The following GRM8 variants were observed in gnomAD, a reference collection of about 807,000 sequenced individuals.
The protein encoded by GRM8 is metabotropic glutamate receptor 8.
In GRM8, 47 loss-of-function variants were observed where a neutral mutation model predicts 87.2. That is an observed-to-expected ratio of 0.54 (90% CI 0.43 to 0.69). The LOEUF is 0.69. Ranked by LOEUF, GRM8 falls within the 30% of genes least tolerant of loss-of-function variation. The pLI, the probability that GRM8 is intolerant of heterozygous loss-of-function variation, is 0.00. For synonymous variants in GRM8, 396 were observed against 404.5 expected, an observed-to-expected ratio of 0.98 and a Z score of 0.25; for missense variants, 1,019 against 1,139.2, an observed-to-expected ratio of 0.89 and a Z score of 1.52.
intron 7 of GRM8, among the ~76,000 whole-genome samples, chr7:126,624,120 T>C (rs987043383): frequency 6.6e-6 from 1 of 152,170 alleles, no homozygotes; most frequent in Non-Finnish European, 1.5e-5. Context: ...AACAATCCAC[T>C]CTCTACCCTA....
intron 3 of GRM8, among the ~76,000 whole-genome samples, chr7:127,061,449 A>C (rs928932073): frequency 6.6e-6 from 1 of 152,228 alleles, no homozygotes; most frequent in African/African-American, 2.4e-5. Context: ...AAGTGTCTCT[A>C]TGAACTGGGC....
At chr7:126,898,052 C>G (rs1341519387) in intron 6 of GRM8, among the ~76,000 whole-genome samples, 1 of 152,118 alleles carries the variant, frequency 6.6e-6, no homozygotes, top group Non-Finnish European at 1.5e-5. Flanking sequence ...GTTCGCAGAT[C>G]ACCGTCGCCT....
intron 6 of GRM8, among the ~76,000 whole-genome samples, chr7:126,844,795 T>C (rs1166007034): frequency 6.6e-6 from 1 of 152,172 alleles, no homozygotes; most frequent in Non-Finnish European, 1.5e-5. Context: ...TGATCTCTCT[T>C]ACTCTTCTTC....
intron 3 of GRM8, among the ~76,000 whole-genome samples, chr7:126,922,507 T>C (rs2535942): frequency 0.59 from 90,314 of 151,938 alleles, 27,518 homozygotes; most frequent in East Asian, 0.94. Flanking sequence ...GGGTTGGAAA[T>C]AATTGTTCTT....
chr7:127,138,765 G>A (rs539350998), intron 2 of GRM8, among the ~76,000 whole-genome samples: 96 of 152,178 alleles, frequency 6.3e-4, no homozygotes, highest in African/African-American at 2.1e-3. Context: ...GTGACGAAAA[G>A]CACTGAAGAG....
rs73457038 is a variant in GRM8, at chr7:127,199,744, G to A, written c.510+42951C>T. 2.6e-3 allele frequency among the ~76,000 whole-genome samples: 393 copies of A among 152,202 alleles called. 2 individuals carry two copies. Among genetic ancestry groups the A allele is most frequent in the African/African-American group, 8.5e-3 (353 of 41,544 alleles). ...TCAGAAAAGCACAAACCATTCTCCCGTTTTCCCCCAGTCCAAGAACTGTAC... is the reference window on the plus strand; with the variant it reads ...TCAGAAAAGCACAAACCATTCTCCCATTTTCCCCCAGTCCAAGAACTGTAC... On this transcript the variant is annotated intron_variant, in intron 2 of 10. Transcript: ENST00000339582.
Position 126,736,092 on chromosome 7 carries a change from C to A in GRM8, c.1357+33773G>T, listed in dbSNP as rs188499003. Reference sequence around the variant, plus strand: ...GACTCATGGCTCAGCACAAATGGGGCCTTTTCCTACACCACTCTAGTTAGT... The same window carrying A: ...GACTCATGGCTCAGCACAAATGGGGACTTTTCCTACACCACTCTAGTTAGT... On this transcript the variant is annotated intron_variant, in intron 7 of 10. Coordinates refer to ENST00000339582, the MANE Select transcript of GRM8 (RefSeq NM_000845.3). Among the ~76,000 whole-genome samples the A allele has an allele frequency of 3.4e-3, 510 of 152,076 alleles. 3 individuals carry two copies. The highest frequency in any genetic ancestry group is 5.7e-3 in the Non-Finnish European group (384 of 67,952).
intron 6 of GRM8, among the ~76,000 whole-genome samples, chr7:126,859,011 C>A (rs968159298): frequency 6.6e-6 from 1 of 152,008 alleles, no homozygotes; most frequent in African/African-American, 2.4e-5. Context: ...ACCACCTTCC[C>A]AGACCTTCCC....
At chr7:127,046,351 A>G (rs1818926859) in intron 3 of GRM8, among the ~76,000 whole-genome samples, 2 of 152,114 alleles carry the variant, frequency 1.3e-5, no homozygotes, top group South Asian at 2.1e-4. Flanking sequence ...CAGCCTGGGC[A>G]ACAGAGCGAG....
intron 3 of GRM8, among the ~76,000 whole-genome samples, chr7:126,941,642 G>GA (rs1185503778): frequency 6.6e-6 from 1 of 150,630 alleles, no homozygotes; most frequent in African/African-American, 2.4e-5. Flanking sequence ...AAGAAAGAAA[G>GA]AAAGTGTTTA....
At chr7:127,113,048 G>A (rs1826476556) in intron 2 of GRM8, among the ~76,000 whole-genome samples, 1 of 152,194 alleles carries the variant, frequency 6.6e-6, no homozygotes, top group South Asian at 2.1e-4. Flanking sequence ...GAGCCTTCCT[G>A]TACATGACTG....
intron 6 of GRM8, among the ~76,000 whole-genome samples, chr7:126,871,211 A>C (rs1432646200): frequency 1.3e-5 from 2 of 152,168 alleles, no homozygotes; most frequent in East Asian, 3.8e-4. Flanking sequence ...GGAAAAGTCC[A>C]CAAAAATGAA....
intron 6 of GRM8, among the ~76,000 whole-genome samples, chr7:126,879,005 A>C (rs1799785454): frequency 6.6e-6 from 1 of 152,054 alleles, no homozygotes; most frequent in African/African-American, 2.4e-5. Flanking sequence ...TCTACTAAAA[A>C]TACAAAAATT....
At chr7:126,450,068 C>A (rs567281051) in intron 9 of GRM8, among the ~76,000 whole-genome samples, 1 of 151,746 alleles carries the variant, frequency 6.6e-6, no homozygotes, top group Admixed American at 6.6e-5. Flanking sequence ...TTTCTGGGAC[C>A]TATTACAGTT....
At chr7:127,200,220 G>C (rs1795511837) in intron 2 of GRM8, among the ~76,000 whole-genome samples, 1 of 152,134 alleles carries the variant, frequency 6.6e-6, no homozygotes, top group Non-Finnish European at 1.5e-5. Context: ...GGATGGGATT[G>C]ACTAATTGGA....
chr7:126,789,937 G>A (rs1170223180), intron 6 of GRM8, among the ~76,000 whole-genome samples: 1 of 151,922 alleles, frequency 6.6e-6, no homozygotes, highest in Non-Finnish European at 1.5e-5. Flanking sequence ...CAACTGGCAT[G>A]TTGTACTATG....
chr7:127,203,826 A>T (rs957825572), intron 2 of GRM8, among the ~76,000 whole-genome samples: 1 of 152,066 alleles, frequency 6.6e-6, no homozygotes, highest in Non-Finnish European at 1.5e-5. Context: ...CTTTGCATGC[A>T]TTGGTTTACC....
chr7:126,720,683 T>C (rs1812298609), intron 7 of GRM8, among the ~76,000 whole-genome samples: 1 of 152,182 alleles, frequency 6.6e-6, no homozygotes, highest in Non-Finnish European at 1.5e-5. Flanking sequence ...TATAAAACTT[T>C]TAGTGTTTAT....
intron 8 of GRM8, among the ~76,000 whole-genome samples, chr7:126,585,234 G>A (rs918706641): frequency 2.6e-5 from 4 of 152,110 alleles, no homozygotes; most frequent in Non-Finnish European, 5.9e-5. Flanking sequence ...GTGAATAACT[G>A]TAGCAAATTC....
Sources: allele counts gnomAD v4.1 joint callset (sites outside exome capture counted in the v4.1 genomes callset), GRCh38; gene constraint gnomAD v4.1.1; transcripts MANE v1.5; gene names NCBI Gene and HGNC (gene_info 2026-07-23, HGNC 2026-07-21).